Variants in DNHD1 observed in about 807,000 individuals in gnomAD.
DNHD1 encodes the protein dynein heavy chain domain-containing protein 1.
In DNHD1, 383 loss-of-function variants were observed where a neutral mutation model predicts 458.1. That is an observed-to-expected ratio of 0.84 (90% CI 0.77 to 0.91). The LOEUF (loss-of-function observed/expected upper bound fraction) is 0.91, where lower values mean the gene tolerates loss of function less well. DNHD1 is among the 40% of genes least tolerant of loss of function. DNHD1 has a pLI of 0.00. For synonymous variants in DNHD1, 2,203 were observed against 2,376.9 expected, an observed-to-expected ratio of 0.93 and a Z score of 2.13; for missense variants, 5,336 against 5,866.1, an observed-to-expected ratio of 0.91 and a Z score of 2.95.
intron 7 of DNHD1, among the ~76,000 whole-genome samples, chr11:6,512,024 G>A (rs1279913059): frequency 6.6e-6 from 1 of 151,788 alleles, no homozygotes; most frequent in Non-Finnish European, 1.5e-5. Context: ...TTCTGAGAGA[G>A]GAGGCCCACT....
Position 6,547,149 on chromosome 11 carries a change from A to G in DNHD1, c.6210A>G (p.Gln2070=). 6.4e-7 allele frequency: 1 copy of G among 1,551,770 alleles called. No individual in the cohort carries two copies. Among genetic ancestry groups the G allele is most frequent in the Non-Finnish European group, 8.7e-7 (1 of 1,146,992 alleles). ...RAAGQCNNMG[Q]KRQTEESIGI... ...CCGGTCAGTGTAACAACATGGGCCA[A>G]AAGAGGCAGACAGAGGAATCAATCG... Residue 2070 remains glutamine (Q), a synonymous_variant, in exon 21 of 43, where the codon CAA becomes CAG. Transcript: ENST00000254579.
chr11:6,532,948 C>T (rs1429062908), intron 12 of DNHD1, 79 bp from the exon 13 acceptor site: 1 of 1,381,956 alleles, frequency 7.2e-7, no homozygotes, highest in Non-Finnish European at 9.8e-7. Flanking sequence ...TCAGCCTACT[C>T]CCACTCTGGA....
At chr11:6,515,082 T>C (rs891320115) in intron 7 of DNHD1, among the ~76,000 whole-genome samples, 3 of 152,236 alleles carry the variant, frequency 2.0e-5, no homozygotes, top group East Asian at 1.9e-4. Context: ...TCTTAGCTCA[T>C]TGATCCCTTC....
At chr11:6,539,844 C>G in intron 17 of DNHD1, 32 bp from the exon 18 acceptor site, 1 of 1,546,598 alleles carries the variant, frequency 6.5e-7, no homozygotes, top group South Asian at 1.2e-5. Flanking sequence ...AGCAGTTACC[C>G]AGTCCTGGTT....
chr11:6,542,458 C>G (rs1261866978), intron 18 of DNHD1, among the ~76,000 whole-genome samples: 1 of 152,226 alleles, frequency 6.6e-6, no homozygotes, highest in Non-Finnish European at 1.5e-5. Flanking sequence ...AGCTCACAGC[C>G]CTTCCTCCAC....
At chr11:6,532,522 T>A (rs1852847130) in intron 12 of DNHD1, among the ~76,000 whole-genome samples, 1 of 152,230 alleles carries the variant, frequency 6.6e-6, no homozygotes, top group Non-Finnish European at 1.5e-5. Flanking sequence ...CAGAATACTT[T>A]TATGTCTGCT....
Position 6,533,855 on chromosome 11 carries a change from C to G in DNHD1, c.2680C>G (p.Pro894Ala). The change falls in exon 14 of 43, where the codon CCA becomes GCA. Residue 894 changes from proline (P) to alanine (A), a missense_variant. Around this residue, in one of 4 missense-constraint regions of DNHD1, gnomAD observed 3,932 missense variants for 4,365.6 expected, o/e 0.90. Coordinates refer to ENST00000254579, the MANE Select transcript of DNHD1 (RefSeq NM_144666.3). The stretch of plus-strand genomic sequence containing the variant: ...ACCCATCCCTCCCTGCCCTCCTCCC[C>G]CACAACCACATCTACTCCACTGCCC... The part of the protein sequence containing the change: ...ESPIPPCPPP[P>A]QPHLLHCPLL... 1 of 1,551,284 alleles carries G rather than the reference C, an allele frequency of 6.4e-7. No homozygotes were observed. The highest frequency in any genetic ancestry group is 8.7e-7 in the Non-Finnish European group (1 of 1,146,896).
chr11:6,514,144 C>G (rs1175500600), intron 7 of DNHD1, among the ~76,000 whole-genome samples: 1 of 152,120 alleles, frequency 6.6e-6, no homozygotes, highest in African/African-American at 2.4e-5. Flanking sequence ...GGCTGTGTCT[C>G]CCAGGCTGGA....
Position 6,566,384 on chromosome 11 carries a change from A to G in DNHD1, c.11197A>G (p.Met3733Val), listed in dbSNP as rs377122335. 1 of 1,559,324 alleles carries G rather than the reference A, an allele frequency of 6.4e-7. No homozygotes were observed. Among genetic ancestry groups the G allele is most frequent in the Non-Finnish European group, 8.7e-7 (1 of 1,151,434 alleles). The change falls in exon 34 of 43, where the codon ATG (methionine) becomes GTG (valine). Residue 3733 changes from methionine (M) to valine (V), a missense_variant. Physicochemically the swap from Met to Val is conservative, Grantham distance 21. Coordinates refer to ENST00000254579, the MANE Select transcript of DNHD1 (RefSeq NM_144666.3). The part of the protein sequence containing the change: ...YLSTTLSLCA[M>V]EKVLGCELLK... ...CAGCACCACCCTCTCCCTCTGTGCC[A>G]TGGAAAAAGGTGAGGCCCAGAGGGC...
At chr11:6,516,852 C>G (rs1852480889) in intron 7 of DNHD1, among the ~76,000 whole-genome samples, 1 of 152,180 alleles carries the variant, frequency 6.6e-6, no homozygotes. Flanking sequence ...CCTTTCCCTT[C>G]TCTCTTCCTC....
chr11:6,549,017 A>G, intron 24 of DNHD1, 84 bp downstream of exon 24: 2 of 1,394,002 alleles, frequency 1.4e-6, no homozygotes, highest in South Asian at 2.6e-5. Context: ...TTGACTCTCA[A>G]ATATATGTCT....
intron 10 of DNHD1, among the ~76,000 whole-genome samples, chr11:6,524,202 T>C (rs1447176732): frequency 6.6e-6 from 1 of 152,196 alleles, no homozygotes; most frequent in East Asian, 1.9e-4. Context: ...CTAGAATCAC[T>C]GCTCTTCAAG....
At chr11:6,529,800 G>T (rs2134408021) in intron 12 of DNHD1, among the ~76,000 whole-genome samples, 1 of 152,240 alleles carries the variant, frequency 6.6e-6, no homozygotes, top group African/African-American at 2.4e-5. Context: ...GCTGTGTCCT[G>T]GGCTGGTAGA....
At chr11:6,541,938 A>G (rs73407175) in intron 18 of DNHD1, among the ~76,000 whole-genome samples, 2 of 152,210 alleles carry the variant, frequency 1.3e-5, no homozygotes, top group African/African-American at 4.8e-5. Flanking sequence ...AACTGGTTCA[A>G]CTTCTGCATA....
Position 6,567,075 on chromosome 11 carries a change from C to T in DNHD1, c.11566C>T (p.His3856Tyr), listed in dbSNP as rs1394732936. 5 of 1,613,916 alleles carry T rather than the reference C, an allele frequency of 3.1e-6. No individual in the cohort carries two copies. Among genetic ancestry groups the T allele is most frequent in the Admixed American group, 1.7e-5 (1 of 60,002 alleles). Residue 3856 changes from histidine to tyrosine, a missense_variant, in exon 36 of 43, where the codon CAT becomes TAT. By Grantham distance (83) the His-to-Tyr change is moderately conservative. Coordinates refer to ENST00000254579, the MANE Select transcript of DNHD1 (RefSeq NM_144666.3). ...LWAPYRPVVW[H>Y]GMAMVKALSQ... ...GGCACCCTATCGACCTGTGGTTTGG[C>T]ATGGAATGGCCATGGTAAAGGCCCT...
In DNHD1 at chr11:6,546,460, C is replaced by A; in HGVS notation, c.5521C>A (p.Leu1841Met). The A allele has an allele frequency of 6.4e-7, 1 of 1,551,020 alleles. No individual in the cohort carries two copies. The highest frequency in any genetic ancestry group is 1.2e-5 in the South Asian group (1 of 84,062). ...DLRQVAELTL[L>M]GAGMRDAFQM... The stretch of plus-strand genomic sequence containing the variant: ...GCGGCAAGTGGCAGAGCTGACTCTG[C>A]TGGGTGCAGGGATGAGGGATGCCTT... Residue 1841 changes from leucine (L) to methionine (M), a missense_variant, in exon 21 of 43, where the codon CTG becomes ATG. Physicochemically the swap from Leu to Met is conservative, Grantham distance 15. Around this residue, in one of 4 missense-constraint regions of DNHD1, gnomAD observed 3,932 missense variants for 4,365.6 expected, o/e 0.90. Coordinates refer to ENST00000254579, the MANE Select transcript of DNHD1 (RefSeq NM_144666.3).
chr11:6,564,169 G>A, intron 31 of DNHD1, 45 bp downstream of exon 31: 1 of 1,530,204 alleles, frequency 6.5e-7, no homozygotes, highest in Non-Finnish European at 8.8e-7. Context: ...TTCCTTTTAT[G>A]CCGTTCGCCT....
intron 14 of DNHD1, 162 bp downstream of exon 14, chr11:6,534,335 A>T: frequency 1.3e-6 from 1 of 742,136 alleles, no homozygotes; most frequent in South Asian, 1.9e-5. Context: ...TCAGGACAAA[A>T]ACATCATATA....
At position 6,528,734 on chromosome 11, in the gene DNHD1, G is replaced by A; in HGVS notation, c.2050G>A (p.Asp684Asn). The change falls in exon 11 of 43, where the codon GAC (aspartate) becomes AAC (asparagine). Residue 684 changes from aspartate (D) to asparagine (N), a missense_variant. Asp to Asn is a conservative substitution (Grantham distance 23). Around this residue, in one of 4 missense-constraint regions of DNHD1, gnomAD observed 3,932 missense variants for 4,365.6 expected, o/e 0.90. Transcript: ENST00000254579. The stretch of plus-strand genomic sequence containing the variant: ...TTATAAGCAGCTGGAGGAAGACCTG[G>A]ACAACAACCCTAAGATCCAGCAGGC... ...HNYKQLEEDL[D>N]NNPKIQQALN... is the part of the protein sequence containing the mutation. 6.4e-7 allele frequency: 1 copy of A among 1,551,772 alleles called. No individual in the cohort carries two copies. The highest frequency in any genetic ancestry group is 1.2e-5 in the South Asian group (1 of 84,058).
Sources: gnomAD v4.1 joint callset for allele counts (sites outside exome capture counted in the v4.1 genomes callset) on GRCh38, gnomAD v4.1.1 for gene constraint, gnomAD v4.1.1 regional missense constraint, MANE v1.5 for transcripts, NCBI Gene and HGNC (gene_info 2026-07-23, HGNC 2026-07-21) for gene names.